Variants in ADGRL3 observed in about 807,000 individuals in gnomAD.
ADGRL3 encodes calcium-independent alpha-latrotoxin receptor 3.
A neutral mutation model predicts 153.5 loss-of-function variants in ADGRL3; 62 were observed. The ratio of observed to expected loss-of-function variants is 0.40; its 90% CI spans 0.33 to 0.50. ADGRL3 has a LOEUF of 0.50. Among genes scored for constraint, ADGRL3 ranks in the 20% least tolerant of loss-of-function variants. The pLI is 0.47. For synonymous variants in ADGRL3, 710 were observed against 672.5 expected (o/e 1.06, Z -0.86); for missense variants, 1,641 against 1,859.4 (o/e 0.88, Z 2.16).
At chr4:61,964,982 G>A (rs1020452930) in intron 17 of ADGRL3, among the ~76,000 whole-genome samples, 12 of 151,898 alleles carry the variant, frequency 7.9e-5, no homozygotes, top group East Asian at 1.9e-4. Context: ...CAACATTTCC[G>A]TAATTGTTTT....
intron 4 of ADGRL3, among the ~76,000 whole-genome samples, chr4:61,581,704 G>T (rs970942829): frequency 6.6e-6 from 1 of 151,944 alleles, no homozygotes; most frequent in African/African-American, 2.4e-5. Flanking sequence ...CTGATTCATA[G>T]ACTTGTATAT....
chr4:61,850,073 A>G (rs2098183141), intron 9 of ADGRL3, among the ~76,000 whole-genome samples: 1 of 152,094 alleles, frequency 6.6e-6, no homozygotes. Context: ...CCTAATAAAT[A>G]TATGTGGTTC....
intron 2 of ADGRL3, among the ~76,000 whole-genome samples, chr4:61,477,650 A>G (rs1461446733): frequency 6.6e-6 from 1 of 152,124 alleles, no homozygotes. Context: ...TAGAAAGCTA[A>G]TATTATCTCC....
rs193142277 is a variant in ADGRL3, at chr4:61,933,337, C to T, written c.2113-1503C>T. ...CTCTTTTTTTGGCATATCCTGTTGG[C>T]ATTGCCCTTATAGAGAACTTCCAGG... On this transcript the variant is annotated intron_variant, in intron 13 of 26. Coordinates refer to ENST00000683033, the MANE Select transcript of ADGRL3 (RefSeq NM_001387552.1). Among the ~76,000 whole-genome samples, 431 of 151,816 alleles carry T rather than the reference C, an allele frequency of 2.8e-3. 1 individual carries two copies. The highest frequency in any genetic ancestry group is 9.9e-3 in the African/African-American group (409 of 41,430).
chr4:61,758,417 C>T (rs865983055), intron 8 of ADGRL3, among the ~76,000 whole-genome samples: 25 of 152,084 alleles, frequency 1.6e-4, no homozygotes, highest in Non-Finnish European at 2.9e-5. Flanking sequence ...TTGAATTGAT[C>T]CCTTTACCAT....
At chr4:61,356,525 T>TTTATTTCATTTTTGTAAGCA (rs2096174041) in intron 1 of ADGRL3, among the ~76,000 whole-genome samples, 1 of 152,136 alleles carries the variant, frequency 6.6e-6, no homozygotes, top group Admixed American at 6.5e-5. Flanking sequence ...AACTGTAGTT[T>TTTATTTCATTTTTGTAAGCA]TTATTTCATT....
chr4:61,440,744 T>A (rs2097520253), intron 2 of ADGRL3, among the ~76,000 whole-genome samples: 1 of 152,204 alleles, frequency 6.6e-6, no homozygotes, highest in African/African-American at 2.4e-5. Flanking sequence ...TGTATTGTAC[T>A]ATCTTATCCC....
intron 24 of ADGRL3, among the ~76,000 whole-genome samples, chr4:62,039,674 G>T (rs888164789): frequency 2.6e-5 from 4 of 152,066 alleles, no homozygotes; most frequent in South Asian, 2.1e-4. Flanking sequence ...ACATAAGAGT[G>T]GGGGCAGACC....
chr4:61,631,137 G>T (rs773081950), intron 5 of ADGRL3, among the ~76,000 whole-genome samples: 1 of 151,690 alleles, frequency 6.6e-6, no homozygotes, highest in African/African-American at 2.4e-5. Context: ...TTTTCTTTTC[G>T]TTGTTCCTTT....
rs556775798 is a variant in ADGRL3, at chr4:61,401,319, A to G, written c.-174+18130A>G. Among the ~76,000 whole-genome samples the G allele has an allele frequency of 5.9e-5, 9 of 152,102 alleles. No homozygotes were observed. In the South Asian group the frequency reaches 1.9e-3, roughly 32 times the overall value. ...AAAGGAGTTGAAGTCACTGATCACT[A>G]CAGACAAAATATATGTGGAGAACAT... On this transcript the variant is annotated intron_variant, in intron 2 of 26. Transcript: ENST00000683033.
intron 6 of ADGRL3, among the ~76,000 whole-genome samples, chr4:61,682,783 T>C (rs1442273516): frequency 2.0e-5 from 3 of 152,132 alleles, no homozygotes; most frequent in African/African-American, 7.2e-5. Context: ...ATGGAAGTTA[T>C]TCTCAACTAG....
intron 1 of ADGRL3, among the ~76,000 whole-genome samples, chr4:61,291,357 A>G (rs2094191230): frequency 1.3e-5 from 2 of 151,982 alleles, no homozygotes; most frequent in South Asian, 4.1e-4. Flanking sequence ...AATACAGTGT[A>G]ACAATGATTT....
At chr4:61,467,786 A>G (rs952273194) in intron 2 of ADGRL3, among the ~76,000 whole-genome samples, 10 of 152,094 alleles carry the variant, frequency 6.6e-5, no homozygotes, top group African/African-American at 2.2e-4. Flanking sequence ...ATTGATGCAA[A>G]ATGCCTAACT....
At chr4:61,864,155 A>C (rs1224765397) in intron 9 of ADGRL3, among the ~76,000 whole-genome samples, 1 of 152,224 alleles carries the variant, frequency 6.6e-6, no homozygotes, top group African/African-American at 2.4e-5. Context: ...AAATTCAGTT[A>C]CTGAGTAAAA....
chr4:61,338,580 T>C (rs2151091242), intron 1 of ADGRL3, among the ~76,000 whole-genome samples: 1 of 152,280 alleles, frequency 6.6e-6, no homozygotes, highest in East Asian at 1.9e-4. Context: ...ATTATAAATG[T>C]ATCATTTTGA....
chr4:61,643,756 TG>T (rs1208513401), intron 5 of ADGRL3, among the ~76,000 whole-genome samples: 3 of 141,856 alleles, frequency 2.1e-5, no homozygotes, highest in African/African-American at 7.9e-5. Flanking sequence ...TTCTCTTTTT[TG>T]GTTGTGTCTC....
chr4:61,313,585 A>C (rs964414957), intron 1 of ADGRL3, among the ~76,000 whole-genome samples: 3 of 152,200 alleles, frequency 2.0e-5, no homozygotes, highest in African/African-American at 7.2e-5. Context: ...AGCGAAAACA[A>C]TGTATAACAC....
intron 8 of ADGRL3, among the ~76,000 whole-genome samples, chr4:61,760,227 T>C (rs960738183): frequency 6.6e-6 from 1 of 152,146 alleles, no homozygotes; most frequent in African/African-American, 2.4e-5. Context: ...TACTGCTGCC[T>C]TTTGTTTGGC....
chr4:61,421,735 G>T lies in ADGRL3; in HGVS notation c.-174+38546G>T, dbSNP rs192643278. 5.9e-5 allele frequency among the ~76,000 whole-genome samples: 9 copies of T among 152,084 alleles called. No homozygotes were observed. In the East Asian group the frequency reaches 1.7e-3, roughly 29 times the overall value. Reference sequence around the variant, plus strand: ...TTGTGATCGGTACCATTAAGTAAAGGTATATTAGGGACTTTAGTAAAGTAT... The same window carrying T: ...TTGTGATCGGTACCATTAAGTAAAGTTATATTAGGGACTTTAGTAAAGTAT... On this transcript the variant is annotated intron_variant, in intron 2 of 26. Transcript: ENST00000683033.
Sources: allele counts gnomAD v4.1 joint callset (sites outside exome capture counted in the v4.1 genomes callset), GRCh38; gene constraint gnomAD v4.1.1; transcripts MANE v1.5; gene names NCBI Gene and HGNC (gene_info 2026-07-23, HGNC 2026-07-21).